The following ZFHX3 variants were observed in gnomAD, a reference collection of about 807,000 sequenced individuals.
ZFHX3 encodes zinc finger homeobox 3.
A neutral mutation model predicts 279.1 loss-of-function variants in ZFHX3; 42 were observed. The observed-to-expected ratio is 0.15, with a 90% confidence interval of 0.12 to 0.19. The LOEUF is 0.19. Ranked by LOEUF, ZFHX3 falls within the 10% of genes least tolerant of loss-of-function variation. The probability of loss-of-function intolerance (pLI) is 1.00; values close to 1 mark genes in which losing one functional copy is unlikely to be tolerated. For synonymous variants in ZFHX3, 2,293 were observed against 1,957.8 expected, an observed-to-expected ratio of 1.17 and a Z score of -4.52; for missense variants, 4,981 against 4,754.0, an observed-to-expected ratio of 1.05 and a Z score of -1.40.
At chr16:73,569,375 A>T (rs2051710863) in intron 2 of ZFHX3, among the ~76,000 whole-genome samples, 1 of 149,826 alleles carries the variant, frequency 6.7e-6, no homozygotes, top group African/African-American at 2.5e-5. Context: ...TATTAAGATC[A>T]TGGCTGCTTT....
At chr16:73,226,207 C>T (rs2012585636) in intron 5 of ZFHX3, among the ~76,000 whole-genome samples, 1 of 152,172 alleles carries the variant, frequency 6.6e-6, no homozygotes, top group Non-Finnish European at 1.5e-5. Context: ...CCCTCAGGGC[C>T]TCCCAGGTGC....
chr16:72,968,462 T>A (rs1024345040), intron 1 of ZFHX3, among the ~76,000 whole-genome samples: 2 of 22,792 alleles, frequency 8.8e-5, no homozygotes, highest in African/African-American at 6.2e-4. Flanking sequence ...TTAATTTCCT[T>A]TTTTTTTTTT....
intron 4 of ZFHX3, among the ~76,000 whole-genome samples, chr16:73,279,699 C>G (rs1597259074): frequency 1.3e-5 from 2 of 152,052 alleles, no homozygotes; most frequent in Non-Finnish European, 2.9e-5. Flanking sequence ...ACCCATCTTT[C>G]AAGCAGAACA....
At chr16:73,540,555 T>A (rs8050691) in intron 2 of ZFHX3, among the ~76,000 whole-genome samples, 47,622 of 152,070 alleles carry the variant, frequency 0.31, 10,099 homozygotes, top group African/African-American at 0.6. Flanking sequence ...AGGAAGAGGA[T>A]CAAGAGTTAT....
chr16:73,237,487 C>A (rs1000871691), intron 5 of ZFHX3, among the ~76,000 whole-genome samples: 15 of 150,858 alleles, frequency 9.9e-5, no homozygotes, highest in African/African-American at 3.4e-4. Flanking sequence ...AAATCCTCCT[C>A]CAAATTGCTG....
At chr16:73,052,059 C>T (rs1965460719), upstream of ZFHX3, among the ~76,000 whole-genome samples, 1 of 152,098 alleles carries the variant, frequency 6.6e-6, no homozygotes, top group African/African-American at 2.4e-5. Context: ...GTTCATAGGC[C>T]ATTCCCACCG....
intron 7 of ZFHX3, among the ~76,000 whole-genome samples, chr16:73,113,462 C>T (rs1966400436): frequency 1.3e-5 from 2 of 152,324 alleles, no homozygotes; most frequent in South Asian, 2.1e-4. Flanking sequence ...ATACGGCCCA[C>T]GTCTATCCAC....
chr16:73,324,468 GATC>G (rs1283160409), intron 3 of ZFHX3, among the ~76,000 whole-genome samples: 4 of 152,146 alleles, frequency 2.6e-5, no homozygotes, highest in African/African-American at 4.8e-5. Context: ...TTTGTGGGAA[GATC>G]ATCAAGAGAG....
intron 3 of ZFHX3, among the ~76,000 whole-genome samples, chr16:72,950,007 TGGTG>T (rs1475262565): frequency 6.9e-6 from 1 of 145,002 alleles, no homozygotes; most frequent in Admixed American, 6.9e-5. Flanking sequence ...GTACATATGT[TGGTG>T]GAATGATGGA....
At chr16:73,022,633 C>T (rs948172758) in intron 1 of ZFHX3, among the ~76,000 whole-genome samples, 27 of 152,114 alleles carry the variant, frequency 1.8e-4, no homozygotes, top group African/African-American at 4.3e-4. Flanking sequence ...TACGGAGAAC[C>T]GCTGAAACTG....
chr16:73,225,914 A>G (rs2012577189), intron 5 of ZFHX3, among the ~76,000 whole-genome samples: 1 of 152,122 alleles, frequency 6.6e-6, no homozygotes. Flanking sequence ...ACTACACTCC[A>G]CACAGTCCCA....
At chr16:73,561,234 G>A (rs901187674) in intron 2 of ZFHX3, among the ~76,000 whole-genome samples, 1 of 152,186 alleles carries the variant, frequency 6.6e-6, no homozygotes, top group African/African-American at 2.4e-5. Context: ...ACTGACAGTG[G>A]ACATTAGGCA....
chr16:73,641,921 T>C (rs2052576344), intron 2 of ZFHX3, among the ~76,000 whole-genome samples: 1 of 152,142 alleles, frequency 6.6e-6, no homozygotes, highest in African/African-American at 2.4e-5. Context: ...TGTGAAATTC[T>C]CAGATGCAAA....
At chr16:73,547,427 T>C (rs966036553) in intron 2 of ZFHX3, among the ~76,000 whole-genome samples, 2 of 152,204 alleles carry the variant, frequency 1.3e-5, no homozygotes, top group Non-Finnish European at 2.9e-5. Context: ...TCTCAGCCTC[T>C]CTCCTGAAAC....
intron 1 of ZFHX3, among the ~76,000 whole-genome samples, chr16:73,027,913 C>T (rs1337529468): frequency 6.6e-6 from 1 of 152,188 alleles, no homozygotes; most frequent in Non-Finnish European, 1.5e-5. Context: ...GCCTTGCACT[C>T]CTCATCGCTC....
intron 8 of ZFHX3, among the ~76,000 whole-genome samples, chr16:73,066,428 C>CT (rs1001684234): frequency 2.6e-5 from 4 of 152,184 alleles, no homozygotes; most frequent in East Asian, 1.9e-4. Flanking sequence ...TTTCGGGACC[C>CT]TTTTTTTTCC....
At chr16:73,249,028 G>A (rs2013398691) in intron 5 of ZFHX3, among the ~76,000 whole-genome samples, 1 of 152,236 alleles carries the variant, frequency 6.6e-6, no homozygotes, top group Non-Finnish European at 1.5e-5. Context: ...TTGTTCTTCA[G>A]AGACAAGCTC....
intron 1 of ZFHX3, among the ~76,000 whole-genome samples, chr16:73,848,484 C>T (rs778477404): frequency 4.6e-5 from 7 of 152,182 alleles, no homozygotes; most frequent in African/African-American, 1.4e-4. Flanking sequence ...ACCCCTCAAA[C>T]GCAATAGACC....
intron 3 of ZFHX3, among the ~76,000 whole-genome samples, chr16:73,332,796 T>C (rs1041764303): frequency 1.3e-5 from 2 of 152,206 alleles, no homozygotes; most frequent in African/African-American, 4.8e-5. Context: ...TCAATGAACG[T>C]ACTCCATGCA....
Sources: allele counts gnomAD v4.1 joint callset (sites outside exome capture counted in the v4.1 genomes callset), GRCh38; gene constraint gnomAD v4.1.1; transcripts MANE v1.5; gene names NCBI Gene and HGNC (gene_info 2026-07-23, HGNC 2026-07-21).